The following CLVS1 variants were observed in gnomAD, a reference collection of about 807,000 sequenced individuals.
CLVS1 encodes clavesin-1.
Under a neutral mutation model 33.1 loss-of-function variants are expected in CLVS1, and 10 were observed. That is an observed-to-expected ratio of 0.30 (90% CI 0.19 to 0.51). CLVS1 has a LOEUF of 0.51. Ranked by LOEUF, CLVS1 falls within the 20% of genes least tolerant of loss-of-function variation. CLVS1 has a pLI of 0.97. For missense variants in CLVS1, 343 were observed against 433.4 expected (o/e 0.79, Z 1.85); for synonymous variants, 163 against 166.1 (o/e 0.98, Z 0.14).
chr8:60,989,250 G>A, the CLVS1 span, among the ~76,000 whole-genome samples: 1 of 151,808 alleles, frequency 6.6e-6, no homozygotes, highest in Non-Finnish European at 1.5e-5. Context: ...GCGTGATCTC[G>A]GCTCACTGCA....
chr8:61,244,226 CTTTTT>C (rs1399944651), intron 2 of CLVS1, among the ~76,000 whole-genome samples: 2 of 151,370 alleles, frequency 1.3e-5, no homozygotes, highest in Admixed American at 1.3e-4. Flanking sequence ...TTTAAATTTT[CTTTTT>C]TATTTCTTCT....
intron 3 of CLVS1, among the ~76,000 whole-genome samples, chr8:61,396,071 A>G (rs1031729662): frequency 3.9e-5 from 6 of 152,180 alleles, no homozygotes; most frequent in African/African-American, 1.4e-4. Flanking sequence ...CTTTTTATGT[A>G]CATAATTGGT....
At chr8:61,292,121 T>G (rs1229740222) in intron 1 of CLVS1, 5 of 294,188 alleles carry the variant, frequency 1.7e-5, no homozygotes, top group African/African-American at 4.4e-5. Flanking sequence ...AGAAAAGTTT[T>G]TTTTTTTTTA....
At chr8:61,199,059 C>G (rs919079064) in intron 2 of CLVS1, among the ~76,000 whole-genome samples, 1 of 152,068 alleles carries the variant, frequency 6.6e-6, no homozygotes, top group African/African-American at 2.4e-5. Context: ...GGTATAATGA[C>G]CTATTTTCCT....
chr8:61,348,491 A>G (rs1812319897), intron 2 of CLVS1, among the ~76,000 whole-genome samples: 1 of 152,106 alleles, frequency 6.6e-6, no homozygotes, highest in South Asian at 2.1e-4. Context: ...AAAAAATAAT[A>G]ATAATAATAA....
chr8:61,283,135 C>T (rs4033610), upstream of CLVS1, among the ~76,000 whole-genome samples: 15 of 152,334 alleles, frequency 9.8e-5, 1 homozygote, highest in East Asian at 7.7e-4. Context: ...AATATTCTCT[C>T]TCCAACTTCC....
upstream of CLVS1, among the ~76,000 whole-genome samples, chr8:61,286,741 T>A (rs1166135339): frequency 2.0e-5 from 3 of 152,236 alleles, no homozygotes; most frequent in Non-Finnish European, 4.4e-5. Flanking sequence ...TACTTTAAAA[T>A]ATTTAATAAG....
At chr8:61,183,880 C>T (rs531791879) in intron 2 of CLVS1, among the ~76,000 whole-genome samples, 7 of 152,210 alleles carry the variant, frequency 4.6e-5, no homozygotes, top group African/African-American at 1.7e-4. Context: ...AGCAGAGCAA[C>T]GTTAGGGTAT....
intron 2 of CLVS1, among the ~76,000 whole-genome samples, chr8:61,226,387 G>C (rs1459343247): frequency 2.6e-5 from 4 of 152,212 alleles, no homozygotes; most frequent in Non-Finnish European, 2.9e-5. Context: ...AAAATTGACT[G>C]CGTTCTTGCT....
At chr8:61,407,836 A>C (rs1815050412) in intron 3 of CLVS1, among the ~76,000 whole-genome samples, 1 of 152,224 alleles carries the variant, frequency 6.6e-6, no homozygotes. Context: ...AGTAAGGGCC[A>C]AGCCAGAGTC....
At chr8:61,163,792 G>A (rs955683568) in intron 2 of CLVS1, among the ~76,000 whole-genome samples, 2 of 152,206 alleles carry the variant, frequency 1.3e-5, no homozygotes, top group African/African-American at 4.8e-5. Flanking sequence ...AGGCCGTTGG[G>A]GAGTACCAAT....
chr8:61,343,744 A>C (rs1812106650), intron 2 of CLVS1, among the ~76,000 whole-genome samples: 1 of 152,152 alleles, frequency 6.6e-6, no homozygotes, highest in Non-Finnish European at 1.5e-5. Context: ...CTCCAAAGTG[A>C]AATCCTCAGG....
intron 3 of CLVS1, among the ~76,000 whole-genome samples, chr8:61,402,495 G>C (rs1814810395): frequency 6.6e-6 from 1 of 152,090 alleles, no homozygotes; most frequent in Admixed American, 6.6e-5. Context: ...GAGAGCTGTG[G>C]CCCGAGATCA....
intron 2 of CLVS1, among the ~76,000 whole-genome samples, chr8:61,304,884 A>G (rs533778780): frequency 6.6e-6 from 1 of 152,326 alleles, no homozygotes; most frequent in South Asian, 2.1e-4. Context: ...GGAAACAGAT[A>G]TCTGGCATAT....
chr8:61,186,055 G>A (rs1019152699), intron 2 of CLVS1, among the ~76,000 whole-genome samples: 16 of 152,284 alleles, frequency 1.1e-4, no homozygotes, highest in South Asian at 6.2e-4. Context: ...AGGGGTAGGG[G>A]AGGATGCTTC....
the CLVS1 span, among the ~76,000 whole-genome samples, chr8:60,998,603 C>A: frequency 1.3e-5 from 2 of 152,164 alleles, no homozygotes; most frequent in Non-Finnish European, 2.9e-5. Context: ...ACTTCCCCCA[C>A]CCCCTGCCTC....
At chr8:61,428,049 T>G (rs530107547) in intron 3 of CLVS1, among the ~76,000 whole-genome samples, 21 of 152,368 alleles carry the variant, frequency 1.4e-4, no homozygotes, top group Admixed American at 1.3e-3. Context: ...GTTACCCTGA[T>G]AGTGCTGTCT....
chr8:61,022,980 C>A, the CLVS1 span, among the ~76,000 whole-genome samples: 1 of 152,206 alleles, frequency 6.6e-6, no homozygotes, highest in Non-Finnish European at 1.5e-5. Flanking sequence ...TTTATAGCTG[C>A]TTGCAGAAAA....
At chr8:61,127,507 A>G (rs145822903) in intron 1 of CLVS1, among the ~76,000 whole-genome samples, 23 of 152,294 alleles carry the variant, frequency 1.5e-4, no homozygotes, top group African/African-American at 5.5e-4. Flanking sequence ...GACATGAGCC[A>G]CTGGTGCCCA....
Sources: gnomAD v4.1 joint callset for allele counts (sites outside exome capture counted in the v4.1 genomes callset) on GRCh38, gnomAD v4.1.1 for gene constraint, MANE v1.5 for transcripts, NCBI Gene and HGNC (gene_info 2026-07-23, HGNC 2026-07-21) for gene names.